The following KIF26B variants were observed in gnomAD, a reference collection of about 807,000 sequenced individuals.
The protein encoded by KIF26B is kinesin-like protein KIF26B.
KIF26B carries 63 observed loss-of-function variants against 151.2 expected under a neutral mutation model. The observed-to-expected ratio is 0.42, with a 90% CI of 0.34 to 0.51. The LOEUF is 0.51. Among genes scored for constraint, KIF26B ranks in the 20% least tolerant of loss-of-function variants. KIF26B has a pLI of 0.07. For missense variants in KIF26B, 2,813 were observed against 2,913.6 expected (o/e 0.97, Z 0.79); for synonymous variants, 1,357 against 1,262.1 (o/e 1.08, Z -1.59).
At chr1:245,585,542 AAAG>A (rs1458517049) in intron 5 of KIF26B, among the ~76,000 whole-genome samples, 3 of 152,058 alleles carry the variant, frequency 2.0e-5, no homozygotes, top group Non-Finnish European at 4.4e-5. Flanking sequence ...GAAAAAAAAA[AAAG>A]ATGTTTCTCT....
intron 4 of KIF26B, among the ~76,000 whole-genome samples, chr1:245,431,345 ATTT>A (rs796518387): frequency 2.9e-5 from 4 of 136,358 alleles, no homozygotes; most frequent in Non-Finnish European, 4.7e-5. Context: ...TGCCCAGCTA[ATTT>A]TTTTTTTTTT....
intron 2 of KIF26B, among the ~76,000 whole-genome samples, chr1:245,176,853 A>G (rs1232343939): frequency 2.6e-5 from 4 of 152,196 alleles, no homozygotes; most frequent in African/African-American, 9.7e-5. Flanking sequence ...ACTTTTGTGA[A>G]TTGGTAGTTT....
At chr1:245,609,215 A>T in intron 7 of KIF26B, 51 bp from the exon 8 acceptor site, 1 of 1,512,162 alleles carries the variant, frequency 6.6e-7, no homozygotes, top group Non-Finnish European at 8.9e-7. Flanking sequence ...GACTCCGTGG[A>T]ATGATGCCTG....
chr1:245,393,508 A>C (rs564338170), intron 3 of KIF26B, among the ~76,000 whole-genome samples: 2 of 152,212 alleles, frequency 1.3e-5, no homozygotes, highest in South Asian at 4.2e-4. Context: ...GTTTTCCTCA[A>C]ATATTTGGTG....
rs1558279514 is a variant in KIF26B, at chr1:245,698,093, TC to T, written c.5825-8del. On this transcript the variant is annotated splice_polypyrimidine_tract_variant and intron_variant, in intron 12 of 14. Coordinates refer to ENST00000407071, the MANE Select transcript of KIF26B (RefSeq NM_018012.4). This position sits in a 1 kb window ranked among gnomAD's most constrained non-coding sequence, Gnocchi z 4.0. Reference sequence around the variant, plus strand: ...CAGAAAGACTAACTCTCTGGGCTTATCCCCCTCCTCAGGTTCTCAGAGACGG... The same window carrying T: ...CAGAAAGACTAACTCTCTGGGCTTATCCCCTCCTCAGGTTCTCAGAGACGG... The T allele has an allele frequency of 1.9e-6, 3 of 1,607,206 alleles. No individual in the cohort carries two copies. Among genetic ancestry groups the T allele is most frequent in the South Asian group, 1.1e-5 (1 of 90,318 alleles).
At chr1:245,476,255 T>C (rs1178444472) in intron 4 of KIF26B, among the ~76,000 whole-genome samples, 1 of 151,702 alleles carries the variant, frequency 6.6e-6, no homozygotes, top group Non-Finnish European at 1.5e-5. Context: ...ACTGGGGGTG[T>C]TGAGTGAGAC....
chr1:245,177,155 G>T (rs1192653036), intron 2 of KIF26B, among the ~76,000 whole-genome samples: 1 of 152,094 alleles, frequency 6.6e-6, no homozygotes, highest in Admixed American at 6.5e-5. Flanking sequence ...GGGTCTTATT[G>T]TGTTGCCCAG....
chr1:245,430,561 C>T (rs569947826), intron 4 of KIF26B, among the ~76,000 whole-genome samples: 4 of 152,006 alleles, frequency 2.6e-5, no homozygotes, highest in African/African-American at 4.8e-5. Flanking sequence ...TAGCTACTTG[C>T]GGGGCTGGGG....
chr1:245,611,548 A>C lies in KIF26B; in HGVS notation c.1915-245A>C, dbSNP rs376629144. 1.6e-4 allele frequency among the ~76,000 whole-genome samples: 24 copies of C among 152,340 alleles called. No individual in the cohort carries two copies. In the East Asian group the frequency reaches 3.3e-3, roughly 21 times the overall value. Reference sequence around the variant, plus strand: ...GTTCCAGATTCTACTTAGACTGTAAAGTAGGTAAAAATAGGTTTCATCCAA... The same window carrying C: ...GTTCCAGATTCTACTTAGACTGTAACGTAGGTAAAAATAGGTTTCATCCAA... On this transcript the variant is annotated intron_variant, in intron 8 of 14. Coordinates refer to ENST00000407071, the MANE Select transcript of KIF26B (RefSeq NM_018012.4).
chr1:245,243,720 A>T (rs1398107473), intron 2 of KIF26B, among the ~76,000 whole-genome samples: 1 of 152,124 alleles, frequency 6.6e-6, no homozygotes, highest in Non-Finnish European at 1.5e-5. Flanking sequence ...GCATGGTGGC[A>T]CACGCCTGTA....
intron 2 of KIF26B, among the ~76,000 whole-genome samples, chr1:245,311,038 C>T (rs1240577398): frequency 3.3e-5 from 5 of 152,144 alleles, no homozygotes; most frequent in Non-Finnish European, 5.9e-5. Flanking sequence ...GAATTTCTAT[C>T]AGGAGTCTGT....
intron 5 of KIF26B, among the ~76,000 whole-genome samples, chr1:245,547,987 C>G (rs892973125): frequency 6.6e-6 from 1 of 152,118 alleles, no homozygotes; most frequent in African/African-American, 2.4e-5. Context: ...CCTGCATTTC[C>G]TACTTCTCTG....
At chr1:245,208,890 T>C (rs1031400156) in intron 2 of KIF26B, among the ~76,000 whole-genome samples, 4 of 152,216 alleles carry the variant, frequency 2.6e-5, no homozygotes, top group African/African-American at 9.6e-5. Context: ...ACGCTGTCAC[T>C]GCTTTCATGT....
rs947544570 is a variant in KIF26B at position 245,664,077 on chromosome 1, T to C, written c.2258+17797T>C. The stretch of plus-strand genomic sequence containing the variant: ...CAATGCATTTACTAAGACTTAAAAA[T>C]AATATCCACGGCCGGGCATGGTGGC... On this transcript the variant is annotated intron_variant, in intron 10 of 14. Transcript: ENST00000407071. Among the ~76,000 whole-genome samples the C allele has an allele frequency of 3.9e-5, 6 of 152,140 alleles. No individual in the cohort carries two copies. In the East Asian group the frequency reaches 9.6e-4, roughly 24 times the overall value.
At chr1:245,186,138 G>T (rs6686553) in intron 2 of KIF26B, among the ~76,000 whole-genome samples, 4,536 of 152,196 alleles carry the variant, frequency 0.03, 209 homozygotes, top group African/African-American at 0.1. Flanking sequence ...CTCCCAAAGT[G>T]CTGGGATTAC....
At chr1:245,271,684 T>A (rs146683499) in intron 2 of KIF26B, among the ~76,000 whole-genome samples, 5 of 152,178 alleles carry the variant, frequency 3.3e-5, no homozygotes, top group African/African-American at 1.2e-4. Flanking sequence ...TATTGAACCA[T>A]CTTTGCATCT....
intron 12 of KIF26B, among the ~76,000 whole-genome samples, chr1:245,695,179 C>T (rs979430583): frequency 1.1e-4 from 17 of 152,150 alleles, no homozygotes; most frequent in African/African-American, 4.1e-4. Flanking sequence ...AATCTAAGAA[C>T]CCTTATTTAT....
In KIF26B at chr1:245,512,957, G is replaced by A. The variant is rs1300534831; in HGVS notation, c.1167-27810G>A. ...AAATTCCAGTTCTCATCCTTGTTTT[G>A]GGTTCCCTGTTAAAGCAGATACCAG... On this transcript the variant is annotated intron_variant, in intron 4 of 14. Transcript: ENST00000407071. This position sits in a 1 kb window ranked among gnomAD's most constrained non-coding sequence, Gnocchi z 4.3. Among the ~76,000 whole-genome samples the A allele has an allele frequency of 6.6e-6, 1 of 152,084 alleles. No individual in the cohort carries two copies. The highest frequency in any genetic ancestry group is 1.5e-5 in the Non-Finnish European group (1 of 68,020).
intron 5 of KIF26B, among the ~76,000 whole-genome samples, chr1:245,584,622 A>G (rs138270469): frequency 3.2e-4 from 49 of 152,254 alleles, no homozygotes; most frequent in Non-Finnish European, 6.0e-4. Context: ...TACGATTCCA[A>G]TGAATTGTTT....
Sources: gnomAD v4.1 joint callset for allele counts (sites outside exome capture counted in the v4.1 genomes callset) on GRCh38, gnomAD v4.1.1 for gene constraint, Gnocchi (gnomAD v3.1) non-coding constraint, MANE v1.5 for transcripts, NCBI Gene and HGNC (gene_info 2026-07-23, HGNC 2026-07-21) for gene names.